Variants in SNX4 observed in about 807,000 individuals in gnomAD.
SNX4 encodes the protein sorting nexin-4.
A neutral mutation model predicts 70.8 loss-of-function variants in SNX4; 49 were observed. That is an observed-to-expected ratio of 0.69 (90% CI 0.55 to 0.88). The LOEUF (loss-of-function observed/expected upper bound fraction) is 0.88. SNX4 is among the 40% of genes least tolerant of loss of function. The pLI is 0.00. For synonymous variants in SNX4, 206 were observed against 183.8 expected (o/e 1.12, Z -0.98); for missense variants, 528 against 544.8 (o/e 0.97, Z 0.31).
intron 1 of SNX4, among the ~76,000 whole-genome samples, chr3:125,511,724 G>A (rs532490066): frequency 6.6e-6 from 1 of 152,054 alleles, no homozygotes; most frequent in East Asian, 1.9e-4. Flanking sequence ...AATTGAGGTG[G>A]GTTTTAACTT....
At chr3:125,467,563 GTTA>G (rs1383931248) in intron 9 of SNX4, among the ~76,000 whole-genome samples, 1 of 151,444 alleles carries the variant, frequency 6.6e-6, no homozygotes, top group South Asian at 2.1e-4. Flanking sequence ...AGTCAGAATG[GTTA>G]TTATTATTAT....
At chr3:125,494,891 T>C (rs1484770569) in intron 5 of SNX4, among the ~76,000 whole-genome samples, 2 of 152,164 alleles carry the variant, frequency 1.3e-5, no homozygotes, top group Non-Finnish European at 2.9e-5. Context: ...AATGTACCCA[T>C]TCTGCGATGT....
rs772456368 is a variant in SNX4, at chr3:125,476,659, A to T, written c.788+36T>A. On this transcript the variant is annotated intron_variant, in intron 8 of 13. Coordinates refer to ENST00000251775, the MANE Select transcript of SNX4 (RefSeq NM_003794.4). ...ATTGTTTTCAGGCAAAAAGGTAATT[A>T]AAGCTAATTATTTTTAAAGTTTGTA... The T allele has an allele frequency of 4.1e-6, 5 of 1,233,290 alleles. No homozygotes were observed. The Admixed American group carries it at 7.1e-5, about 18-fold the overall frequency. 76.4% of individuals were successfully genotyped at this position (1,233,290 alleles called of 1,614,324 possible). A position where few individuals can be genotyped will look rare whatever the true frequency, so the allele number is the denominator to read the frequency against.
intron 1 of SNX4, among the ~76,000 whole-genome samples, chr3:125,511,741 A>C (rs1935178410): frequency 6.6e-6 from 1 of 152,182 alleles, no homozygotes; most frequent in African/African-American, 2.4e-5. Flanking sequence ...ACTTAATTTA[A>C]AATATTGTAC....
chr3:125,515,606 A>C (rs1321767619), intron 1 of SNX4, among the ~76,000 whole-genome samples: 2 of 149,578 alleles, frequency 1.3e-5, no homozygotes, highest in African/African-American at 2.5e-5. Context: ...TCAAGGCTGC[A>C]GTGAGCCATG....
chr3:125,486,736 G>A lies in SNX4; in HGVS notation c.653+2672C>T, dbSNP rs1177573641. Among the ~76,000 whole-genome samples the A allele has an allele frequency of 2.0e-5, 3 of 152,114 alleles. No individual in the cohort carries two copies. In the South Asian group the frequency reaches 6.2e-4, roughly 32 times the overall value. On this transcript the variant is annotated intron_variant, in intron 6 of 13. Coordinates refer to ENST00000251775, the MANE Select transcript of SNX4 (RefSeq NM_003794.4). ...ATAAGATGCTCAATAAATGGAGATA[G>A]ACCTTGGGCACATCTCTTTTAAGAA... is the stretch of plus-strand genomic sequence containing the variant.
At chr3:125,468,201 G>A (rs777654655) in intron 9 of SNX4, among the ~76,000 whole-genome samples, 4 of 152,150 alleles carry the variant, frequency 2.6e-5, no homozygotes, top group Admixed American at 6.6e-5. Flanking sequence ...TTCAGTACAC[G>A]TGGATTACAA....
At chr3:125,460,611 C>G in intron 10 of SNX4, among the ~76,000 whole-genome samples, 160 bp downstream of exon 10, 1 of 152,144 alleles carries the variant, frequency 6.6e-6, no homozygotes, top group Non-Finnish European at 1.5e-5. Context: ...CATGTTTATG[C>G]CTAGCACTCT....
At position 125,448,300 on chromosome 3, in the gene SNX4, A is replaced by ATT. The variant is rs199847928; in HGVS notation, c.1306-476_1306-475dup. Among the ~76,000 whole-genome samples, 1,314 of 131,756 alleles carry ATT rather than the reference A, an allele frequency of 1.0e-2. 14 individuals carry two copies. The highest frequency in any genetic ancestry group is 0.03 in the African/African-American group (1,098 of 36,074). The allele number at this position is 131,756 out of a possible 152,430, so 86.4% of individuals were successfully genotyped here. On this transcript the variant is annotated intron_variant, in intron 13 of 13. Coordinates refer to ENST00000251775, the MANE Select transcript of SNX4 (RefSeq NM_003794.4). ...CCACCACACCTGGCTTATTTTTTGT[A>ATT]TTTTTTTTTTTTTTTGTAGAAATGG... is the stretch of plus-strand genomic sequence containing the variant.
At position 125,497,423 on chromosome 3, in the gene SNX4, G is replaced by T. The variant is rs149193751; in HGVS notation, c.550-35C>A. 2,392 of 1,268,896 alleles carry T rather than the reference G, an allele frequency of 1.9e-3. 31 individuals carry two copies. In the African/African-American group the frequency reaches 0.027, roughly 14 times the overall value. The allele number at this position is 1,268,896 out of a possible 1,614,324, so 78.6% of individuals were successfully genotyped here. A position where few individuals can be genotyped will look rare whatever the true frequency, so the allele number is the denominator to read the frequency against. On this transcript the variant is annotated intron_variant, in intron 4 of 13. Transcript: ENST00000251775. The stretch of plus-strand genomic sequence containing the variant: ...GAAGTTAATTTTAGAAATCATTATT[G>T]CAAAGCAAATATTCCAAATTAAGTA...
rs1189823271 is a variant in SNX4 at position 125,497,147 on chromosome 3, A to C, written c.597+194T>G. ...CCTGTAGAATAAATTTGCCCATTAT[A>C]GTCTCATAAGTAACTAAAATTACAC... On this transcript the variant is annotated intron_variant, in intron 5 of 13. Coordinates refer to ENST00000251775, the MANE Select transcript of SNX4 (RefSeq NM_003794.4). Among the ~76,000 whole-genome samples the C allele has an allele frequency of 2.0e-5, 3 of 152,108 alleles. No homozygotes were observed. In the East Asian group the frequency reaches 5.8e-4, roughly 29 times the overall value.
intron 5 of SNX4, among the ~76,000 whole-genome samples, chr3:125,493,653 CA>C (rs145292055): frequency 0.38 from 44,494 of 117,064 alleles, 6,867 homozygotes; most frequent in Admixed American, 0.49. Context: ...GACTCCGTGT[CA>C]AAAAAAAAAA....
intron 1 of SNX4, among the ~76,000 whole-genome samples, chr3:125,509,000 T>C (rs923750149): frequency 2.6e-5 from 4 of 151,972 alleles, no homozygotes; most frequent in East Asian, 1.9e-4. Flanking sequence ...AATTGGCAAA[T>C]TGGACTCCAT....
chr3:125,517,891 G>A (rs1036733777), intron 1 of SNX4, among the ~76,000 whole-genome samples: 1 of 151,954 alleles, frequency 6.6e-6, no homozygotes, highest in Non-Finnish European at 1.5e-5. Flanking sequence ...CATGAGAATC[G>A]CTTGAGCCTG....
intron 2 of SNX4, 68 bp from the exon 3 acceptor site, chr3:125,498,262 C>T (rs1934854549): frequency 7.5e-7 from 1 of 1,329,296 alleles, no homozygotes; most frequent in Non-Finnish European, 1.0e-6. Flanking sequence ...AATACAATCA[C>T]CTTTAAAATT....
At chr3:125,488,378 G>A (rs1046112162) in intron 6 of SNX4, among the ~76,000 whole-genome samples, 2 of 151,906 alleles carry the variant, frequency 1.3e-5, no homozygotes, top group Non-Finnish European at 2.9e-5. Flanking sequence ...GGGAGGCGGA[G>A]GCAGGAGAAT....
intron 1 of SNX4, among the ~76,000 whole-genome samples, chr3:125,519,559 T>A (rs901031039): frequency 5.9e-5 from 9 of 152,052 alleles, no homozygotes; most frequent in Admixed American, 5.2e-4. Context: ...TAGTCCCCCA[T>A]TCCCTTCCTT....
At chr3:125,476,574 A>C in intron 8 of SNX4, 121 bp downstream of exon 8, 1 of 686,244 alleles carries the variant, frequency 1.5e-6, no homozygotes, top group Non-Finnish European at 2.5e-6. Context: ...CATCTCAAAA[A>C]ACAAAAACAA....
At chr3:125,457,222 C>T (rs376816740) in intron 11 of SNX4, 44 bp downstream of exon 11, 7 of 1,338,360 alleles carry the variant, frequency 5.2e-6, no homozygotes, top group South Asian at 2.3e-5. Context: ...AGGAACATTC[C>T]GTGTTGCTAC....
Sources: gnomAD v4.1 joint callset for allele counts (sites outside exome capture counted in the v4.1 genomes callset) on GRCh38, gnomAD v4.1.1 for gene constraint, MANE v1.5 for transcripts, NCBI Gene and HGNC (gene_info 2026-07-23, HGNC 2026-07-21) for gene names.